Variants in ATF7IP2 observed in about 807,000 individuals in gnomAD.
The protein encoded by ATF7IP2 is activating transcription factor 7 interacting protein 2, also known as activating transcription factor 7-interacting protein 2.
In ATF7IP2, 42 loss-of-function variants were observed where a neutral mutation model predicts 64.2. The ratio of observed to expected loss-of-function variants is 0.65; its 90% CI spans 0.51 to 0.85. The LOEUF is 0.85. ATF7IP2 is among the 40% of genes least tolerant of loss of function. ATF7IP2 has a pLI of 0.00. For synonymous variants in ATF7IP2, 308 were observed against 272.8 expected (o/e 1.13, Z -1.27); for missense variants, 933 against 784.2 (o/e 1.19, Z -2.27).
intron 9 of ATF7IP2, 53 bp downstream of exon 9, chr16:10,457,582 T>G (rs2049222306): frequency 3.9e-6 from 5 of 1,293,374 alleles, no homozygotes; most frequent in African/African-American, 1.5e-5. Flanking sequence ...AATAATGAAT[T>G]TTTTCTTCAT....
At chr16:10,435,517 T>C (rs1176271363) in intron 6 of ATF7IP2, among the ~76,000 whole-genome samples, 1 of 152,190 alleles carries the variant, frequency 6.6e-6, no homozygotes, top group African/African-American at 2.4e-5. Context: ...TATGAGGTAT[T>C]TGATGGAGGT....
intron 1 of ATF7IP2, among the ~76,000 whole-genome samples, chr16:10,401,888 T>C (rs2047542854): frequency 6.6e-6 from 1 of 152,066 alleles, no homozygotes; most frequent in Non-Finnish European, 1.5e-5. Flanking sequence ...GTTTCCTGTT[T>C]GTCAGTATAT....
intron 1 of ATF7IP2, among the ~76,000 whole-genome samples, chr16:10,403,514 G>C (rs75854130): frequency 1.4e-3 from 210 of 152,266 alleles, no homozygotes; most frequent in African/African-American, 4.9e-3. Flanking sequence ...TGTGTCTCTG[G>C]ATGTGCAGAA....
intron 2 of ATF7IP2, among the ~76,000 whole-genome samples, chr16:10,418,733 A>G (rs4780919): frequency 0.54 from 81,653 of 152,068 alleles, 22,911 homozygotes; most frequent in East Asian, 0.7. Context: ...GTGCCCTTCT[A>G]GATGCTTTTT....
At chr16:10,469,146 C>A (rs919349348) in intron 9 of ATF7IP2, among the ~76,000 whole-genome samples, 1 of 151,992 alleles carries the variant, frequency 6.6e-6, no homozygotes, top group Non-Finnish European at 1.5e-5. Flanking sequence ...AAAAATATGA[C>A]CTATCAACAA....
In ATF7IP2 at chr16:10,395,482, C is replaced by T. The variant is rs114235453; in HGVS notation, c.-242+9360C>T. ...TGGATACCAAAAGCAGACCCCAATA[C>T]TATAGGAAAAGAAAACTGCAGAACG... On this transcript the variant is annotated intron_variant, in intron 1 of 13. Coordinates refer to ENST00000562102, the MANE Select transcript of ATF7IP2 (RefSeq NM_001393719.1). Among the ~76,000 whole-genome samples the T allele has an allele frequency of 4.1e-3, 623 of 151,932 alleles. 4 individuals carry two copies. The highest frequency in any genetic ancestry group is 0.014 in the African/African-American group (591 of 41,476).
At chr16:10,435,082 A>G (rs1388884292) in intron 6 of ATF7IP2, among the ~76,000 whole-genome samples, 1 of 152,152 alleles carries the variant, frequency 6.6e-6, no homozygotes, top group African/African-American at 2.4e-5. Context: ...GTAACTTCTG[A>G]TGTGTACATA....
chr16:10,464,723 A>C (rs1411352218), intron 9 of ATF7IP2, among the ~76,000 whole-genome samples: 1 of 152,228 alleles, frequency 6.6e-6, no homozygotes, highest in Non-Finnish European at 1.5e-5. Flanking sequence ...AAATGTTTAC[A>C]GAGATGGAAA....
intron 5 of ATF7IP2, among the ~76,000 whole-genome samples, chr16:10,432,521 G>A (rs956448042): frequency 3.3e-5 from 5 of 151,978 alleles, no homozygotes; most frequent in East Asian, 1.9e-4. Flanking sequence ...CAGGAGGATC[G>A]CTTGAGCCAT....
At position 10,433,609 on chromosome 16, in the gene ATF7IP2, T is replaced by C. The variant is rs757388716; in HGVS notation, c.920T>C (p.Ile307Thr). The change falls in exon 6 of 14, where the codon ATT becomes ACT. Residue 307 changes from isoleucine to threonine, a missense_variant. Ile to Thr is a moderately conservative substitution (Grantham distance 89). Coordinates refer to ENST00000562102, the MANE Select transcript of ATF7IP2 (RefSeq NM_001393719.1). ...ACTTCAGAGCAAATTAATGAAAATA[T>C]TTGTGTAAGTTTGGAAAGGCAAACA... ...MKTSEQINEN[I>T]CVSLERQTAF... is the part of the protein sequence containing the mutation. 6.2e-7 allele frequency: 1 copy of C among 1,613,804 alleles called. No individual in the cohort carries two copies. The highest frequency in any genetic ancestry group is 1.7e-5 in the Admixed American group (1 of 59,992).
chr16:10,466,945 T>C (rs1373891539), intron 9 of ATF7IP2, among the ~76,000 whole-genome samples: 1 of 152,210 alleles, frequency 6.6e-6, no homozygotes, highest in Non-Finnish European at 1.5e-5. Flanking sequence ...GTTTCTATTG[T>C]TTTTCTGTCA....
At position 10,456,662 on chromosome 16, in the gene ATF7IP2, A is replaced by G. The variant is rs73497882; in HGVS notation, c.1195-710A>G. On this transcript the variant is annotated intron_variant, in intron 8 of 13. Transcript: ENST00000562102. ...TGGGAAATTCAGGAAAAGTTGGCCT[A>G]TGGTCACTACCACTGCAATGGATTG... 1.6e-3 allele frequency among the ~76,000 whole-genome samples: 250 copies of G among 152,262 alleles called. 1 individual carries two copies. The highest frequency in any genetic ancestry group is 5.4e-3 in the African/African-American group (224 of 41,552).
At chr16:10,460,758 A>G (rs1457101450) in intron 9 of ATF7IP2, among the ~76,000 whole-genome samples, 2 of 152,232 alleles carry the variant, frequency 1.3e-5, no homozygotes, top group East Asian at 3.8e-4. Context: ...CTTTTAGAAT[A>G]TATAATGTCT....
In ATF7IP2 at chr16:10,480,286, G is replaced by A. The variant is rs145960411; in HGVS notation, c.1550-593G>A. Reference sequence around the variant, plus strand: ...GCCACTATGCACAGCCTCCCCAGTTGTTTTCAATCCATTCTTTTGCCTACT... The same window carrying A: ...GCCACTATGCACAGCCTCCCCAGTTATTTTCAATCCATTCTTTTGCCTACT... On this transcript the variant is annotated intron_variant, in intron 12 of 13. Coordinates refer to ENST00000562102, the MANE Select transcript of ATF7IP2 (RefSeq NM_001393719.1). Among the ~76,000 whole-genome samples the A allele has an allele frequency of 1.1e-3, 167 of 151,944 alleles. 1 individual carries two copies. The highest frequency in any genetic ancestry group is 6.8e-3 in the Middle Eastern group (2 of 294).
At chr16:10,422,148 A>G (rs542969877) in intron 3 of ATF7IP2, among the ~76,000 whole-genome samples, 13 of 152,350 alleles carry the variant, frequency 8.5e-5, no homozygotes, top group African/African-American at 2.6e-4. Flanking sequence ...CTAATTGTTC[A>G]GTAACTAAGT....
intron 3 of ATF7IP2, among the ~76,000 whole-genome samples, chr16:10,421,561 A>G (rs944969113): frequency 2.6e-5 from 4 of 152,180 alleles, no homozygotes; most frequent in Non-Finnish European, 5.9e-5. Context: ...TCTGTGGCAC[A>G]ATGGTAGTAT....
At chr16:10,389,486 G>C (rs1341928979) in intron 1 of ATF7IP2, among the ~76,000 whole-genome samples, 3 of 152,074 alleles carry the variant, frequency 2.0e-5, no homozygotes, top group Non-Finnish European at 4.4e-5. Flanking sequence ...TTGGAACTGT[G>C]AGTGCTCCCC....
chr16:10,462,068 C>G (rs553626731), intron 9 of ATF7IP2, among the ~76,000 whole-genome samples: 28 of 152,080 alleles, frequency 1.8e-4, no homozygotes, highest in Non-Finnish European at 3.1e-4. Context: ...TTACCGTTTT[C>G]ATTATTCCTT....
chr16:10,410,343 TTTTGTTTTG>T (rs1404149652), intron 1 of ATF7IP2, among the ~76,000 whole-genome samples: 1 of 112,336 alleles, frequency 8.9e-6, no homozygotes, highest in Non-Finnish European at 1.9e-5. Context: ...TTTTGTTTTG[TTTTGTTTTG>T]TTTTGTTTTT....
Sources: gnomAD v4.1 joint callset for allele counts (sites outside exome capture counted in the v4.1 genomes callset) on GRCh38, gnomAD v4.1.1 for gene constraint, MANE v1.5 for transcripts, NCBI Gene and HGNC (gene_info 2026-07-23, HGNC 2026-07-21) for gene names.